DUSP22: variants seen among roughly 807,000 people sequenced by gnomAD.
DUSP22 encodes the protein dual specificity phosphatase 22, also known as dual specificity protein phosphatase 22.
A neutral mutation model predicts 24.5 loss-of-function variants in DUSP22; 24 were observed. That is an observed-to-expected ratio of 0.98 (90% confidence interval 0.71 to 1.38). The LOEUF is 1.38. Among genes scored for constraint, DUSP22 ranks in the 40% most tolerant of loss-of-function variants. The pLI is 0.00. For missense variants in DUSP22, 330 were observed against 269.2 expected, an observed-to-expected ratio of 1.23 and a Z score of -1.58; for synonymous variants, 160 against 106.4, an observed-to-expected ratio of 1.50 and a Z score of -3.10.
intron 1 of DUSP22, among the ~76,000 whole-genome samples, chr6:295,753 T>C (rs1215502459): frequency 6.6e-6 from 1 of 151,338 alleles, no homozygotes; most frequent in African/African-American, 2.4e-5. Flanking sequence ...CGAGTCGTGA[T>C]TGTGCCACCG....
chr6:310,966 T>C (rs879774898), intron 2 of DUSP22, among the ~76,000 whole-genome samples: 36 of 152,272 alleles, frequency 2.4e-4, no homozygotes, highest in Non-Finnish European at 5.1e-4. Context: ...ATACAGAGGG[T>C]TTATTTGGGC....
intron 1 of DUSP22, among the ~76,000 whole-genome samples, chr6:303,144 C>G (rs956923219): frequency 6.6e-6 from 1 of 152,302 alleles, no homozygotes; most frequent in Non-Finnish European, 1.5e-5. Flanking sequence ...GAGAGACCCT[C>G]GGGAATGAGA....
In DUSP22 at chr6:351,107, T is replaced by A; in HGVS notation, c.*2156T>A. 1 of 644,816 alleles carries A rather than the reference T, an allele frequency of 1.6e-6. No homozygotes were observed. The highest frequency in any genetic ancestry group is 2.5e-6 in the Non-Finnish European group (1 of 393,224). 39.9% of individuals were successfully genotyped at this position (644,816 alleles called of 1,614,324 possible). A position where few individuals can be genotyped will look rare whatever the true frequency, so the allele number is the denominator to read the frequency against. Reference sequence around the variant, plus strand: ...TTTCTGTACCTCGCTTGGATGCCTGTAAGGATCCCGGGAGCCTTGCCGCAC... The same window carrying A: ...TTTCTGTACCTCGCTTGGATGCCTGAAAGGATCCCGGGAGCCTTGCCGCAC... On this transcript the variant is annotated 3_prime_UTR_variant, in exon 7 of 7. Coordinates refer to ENST00000419235, the MANE Select transcript of DUSP22 (RefSeq NM_001286555.3).
chr6:335,604 A>G (rs1759326391), intron 4 of DUSP22, among the ~76,000 whole-genome samples: 1 of 152,310 alleles, frequency 6.6e-6, no homozygotes. Context: ...AGACAACATT[A>G]ATTCTAATAA....
Position 350,335 on chromosome 6 carries a change from A to G in DUSP22, c.*1384A>G. 1 of 1,014,918 alleles carries G rather than the reference A, an allele frequency of 9.9e-7. No homozygotes were observed. The highest frequency in any genetic ancestry group is 1.2e-6 in the Non-Finnish European group (1 of 848,506). 62.9% of individuals were successfully genotyped at this position (1,014,918 alleles called of 1,614,324 possible). A position where few individuals can be genotyped will look rare whatever the true frequency, so the allele number is the denominator to read the frequency against. On this transcript the variant is annotated 3_prime_UTR_variant, in exon 7 of 7. Coordinates refer to ENST00000419235, the MANE Select transcript of DUSP22 (RefSeq NM_001286555.3). ...GCAGGCATCCTGGGACGCTGTACGCAATTCAGTGGTCTAGTCCTTTATACC... is the reference window on the plus strand; with the variant it reads ...GCAGGCATCCTGGGACGCTGTACGCGATTCAGTGGTCTAGTCCTTTATACC...
intron 4 of DUSP22, among the ~76,000 whole-genome samples, chr6:336,499 G>A (rs1466671047): frequency 6.6e-6 from 1 of 152,310 alleles, no homozygotes; most frequent in Non-Finnish European, 1.5e-5. Flanking sequence ...CTTCACTGGG[G>A]CAGAGCAGAG....
At chr6:319,501 C>T (rs1262017310) in intron 3 of DUSP22, among the ~76,000 whole-genome samples, 2 of 152,304 alleles carry the variant, frequency 1.3e-5, no homozygotes, top group African/African-American at 2.4e-5. Flanking sequence ...ACTTTCTTTC[C>T]TGTGTGATCT....
At chr6:337,816 A>C (rs1404822755) in intron 4 of DUSP22, among the ~76,000 whole-genome samples, 1 of 152,306 alleles carries the variant, frequency 6.6e-6, no homozygotes, top group Non-Finnish European at 1.5e-5. Context: ...AAATATGTGA[A>C]GAGGTCCTGT....
At chr6:337,709 T>C (rs936265734) in intron 4 of DUSP22, among the ~76,000 whole-genome samples, 14 of 152,300 alleles carry the variant, frequency 9.2e-5, no homozygotes, top group Non-Finnish European at 1.8e-4. Context: ...TCTGGACTTT[T>C]AGCGCATCCG....
At chr6:297,537 C>A (rs909719433) in intron 1 of DUSP22, among the ~76,000 whole-genome samples, 5 of 152,308 alleles carry the variant, frequency 3.3e-5, no homozygotes, top group Non-Finnish European at 7.3e-5. Flanking sequence ...TGTGAGACTG[C>A]CATGTGGATT....
At chr6:335,264 G>C (rs542798532) in intron 4 of DUSP22, 101 bp downstream of exon 4, 4 of 1,476,158 alleles carry the variant, frequency 2.7e-6, no homozygotes, top group Non-Finnish European at 3.8e-6. Context: ...CAGAGCTCAC[G>C]GGACCCTTGC....
chr6:307,342 CT>C (rs1320537501), intron 2 of DUSP22, among the ~76,000 whole-genome samples: 2 of 152,294 alleles, frequency 1.3e-5, no homozygotes, highest in African/African-American at 4.8e-5. Flanking sequence ...CCCTCCCTTC[CT>C]TCTCCTCTTC....
chr6:296,027 G>A (rs528242726), intron 1 of DUSP22, among the ~76,000 whole-genome samples: 100 of 152,380 alleles, frequency 6.6e-4, no homozygotes, highest in Non-Finnish European at 1.3e-3. Flanking sequence ...TTTGAGCTGA[G>A]ATGCTAATTC....
At chr6:338,476 A>G (rs1759460396) in intron 4 of DUSP22, among the ~76,000 whole-genome samples, 1 of 152,304 alleles carries the variant, frequency 6.6e-6, no homozygotes, top group African/African-American at 2.4e-5. Flanking sequence ...ATTACCAAGT[A>G]TCAGGTGCTG....
chr6:309,679 A>AACAC (rs759885887), intron 2 of DUSP22, among the ~76,000 whole-genome samples: 3,109 of 135,610 alleles, frequency 0.023, 3 homozygotes, highest in African/African-American at 0.059. Flanking sequence ...ACTCATGTAG[A>AACAC]ACACACACAC....
intron 1 of DUSP22, 66 bp downstream of exon 1, chr6:292,626 C>G: frequency 6.4e-7 from 1 of 1,555,198 alleles, no homozygotes; most frequent in Non-Finnish European, 8.7e-7. Flanking sequence ...TCGCCGGCGT[C>G]GGCTGCCCGA....
intron 3 of DUSP22, among the ~76,000 whole-genome samples, chr6:322,422 G>C (rs1482167553): frequency 1.3e-5 from 2 of 152,300 alleles, no homozygotes; most frequent in Non-Finnish European, 2.9e-5. Flanking sequence ...GCGCCTCAGG[G>C]TACTCTGGCC....
intron 3 of DUSP22, among the ~76,000 whole-genome samples, chr6:322,116 C>T (rs979059386): frequency 4.1e-5 from 6 of 145,264 alleles, no homozygotes; most frequent in African/African-American, 8.3e-5. Context: ...ATAGTGTATA[C>T]ATATCTACAT....
Position 348,129 on chromosome 6 carries a change from C to T in DUSP22, c.290C>T (p.Thr97Ile). Residue 97 changes from threonine (T) to isoleucine (I), a missense_variant, in exon 6 of 7, where the codon ACA (threonine) becomes ATA (isoleucine). Transcript: ENST00000419235. The part of the protein sequence containing the change: ...HCLAGVSRSV[T>I]LVIAYIMTVT... ...CTGGCCGGGGTCTCCAGGAGCGTGA[C>T]ACTGGTGATCGCATACATCATGACC... The T allele has an allele frequency of 6.2e-7, 1 of 1,614,292 alleles. No individual in the cohort carries two copies. Among genetic ancestry groups the T allele is most frequent in the Non-Finnish European group, 8.5e-7 (1 of 1,180,054 alleles).
Sources: allele counts gnomAD v4.1 joint callset (sites outside exome capture counted in the v4.1 genomes callset), GRCh38; gene constraint gnomAD v4.1.1; transcripts MANE v1.5; gene names NCBI Gene and HGNC (gene_info 2026-07-23, HGNC 2026-07-21).